ERN1: variants seen among roughly 807,000 people sequenced by gnomAD.
ERN1 encodes the protein serine/threonine-protein kinase/endoribonuclease IRE1.
A neutral mutation model predicts 113.1 loss-of-function variants in ERN1; 39 were observed. The observed-to-expected ratio is 0.34, with a 90% CI of 0.27 to 0.45. ERN1 has a LOEUF of 0.45. ERN1 is among the 20% of genes least tolerant of loss of function. The pLI is 1.00. For synonymous variants in ERN1, 507 were observed against 515.9 expected (o/e 0.98, Z 0.23); for missense variants, 976 against 1,274.8 (o/e 0.77, Z 3.57).
chr17:64,076,335 A>G (rs1009127030), intron 4 of ERN1, among the ~76,000 whole-genome samples: 1 of 152,258 alleles, frequency 6.6e-6, no homozygotes, highest in African/African-American at 2.4e-5. Flanking sequence ...TGCATACTAA[A>G]TAACTTGGAT....
chr17:64,068,327 A>T (rs376163889), intron 6 of ERN1, 36 bp from the exon 7 acceptor site: 26 of 1,417,602 alleles, frequency 1.8e-5, no homozygotes, highest in Non-Finnish European at 2.0e-5. Context: ...ATTACCACGG[A>T]GGGGCCATAG....
rs1912274293 is a variant in ERN1, at chr17:64,039,480, CT to C, written c.*4507del. On this transcript the variant is annotated 3_prime_UTR_variant, in exon 22 of 22. Transcript: ENST00000433197. ...TTTTACCCCGACCAAATTAATCACC[CT>C]TTAATAATAAGACTACTGTAAAGCA... is the stretch of plus-strand genomic sequence containing the variant. 1.3e-5 allele frequency: 2 copies of C among 152,160 alleles called. No individual in the cohort carries two copies. The highest frequency in any genetic ancestry group is 2.9e-5 in the Non-Finnish European group (2 of 68,038). 9.4% of individuals were successfully genotyped at this position (152,160 alleles called of 1,614,324 possible). A position where few individuals can be genotyped will look rare whatever the true frequency, so the allele number is the denominator to read the frequency against.
chr17:64,060,128 G>A (rs1390897633), intron 11 of ERN1, among the ~76,000 whole-genome samples: 1 of 152,034 alleles, frequency 6.6e-6, no homozygotes, highest in Non-Finnish European at 1.5e-5. Context: ...CCCACAGCCT[G>A]TGAGCTGGGC....
At chr17:64,056,506 T>C (rs1567863838) in intron 12 of ERN1, among the ~76,000 whole-genome samples, 1 of 152,180 alleles carries the variant, frequency 6.6e-6, no homozygotes, top group Non-Finnish European at 1.5e-5. Context: ...GGCTGACACA[T>C]GGTGAGCCTG....
intron 2 of ERN1, among the ~76,000 whole-genome samples, chr17:64,083,530 TTAC>T (rs1913833360): frequency 6.6e-6 from 1 of 152,224 alleles, no homozygotes; most frequent in African/African-American, 2.4e-5. Context: ...CCAAGTTGTT[TTAC>T]TTTCAGAAAA....
intron 1 of ERN1, among the ~76,000 whole-genome samples, chr17:64,100,496 C>T (rs966982124): frequency 5.3e-5 from 8 of 152,124 alleles, no homozygotes; most frequent in South Asian, 4.1e-4. Flanking sequence ...TAAGGCCAGG[C>T]GTGGTGGCTC....
intron 17 of ERN1, among the ~76,000 whole-genome samples, chr17:64,051,102 G>A (rs764631405): frequency 9.9e-5 from 15 of 151,120 alleles, no homozygotes; most frequent in Admixed American, 7.9e-4. Flanking sequence ...AACAAAAAAA[G>A]GACTAAAATG....
intron 3 of ERN1, 29 bp downstream of exon 3, chr17:64,080,746 G>A: frequency 6.2e-7 from 1 of 1,602,146 alleles, no homozygotes; most frequent in Non-Finnish European, 8.5e-7. Context: ...TGAATTAAAG[G>A]GAAGTACTGA....
intron 1 of ERN1, among the ~76,000 whole-genome samples, chr17:64,124,201 T>C (rs554359675): frequency 1.5e-4 from 23 of 152,326 alleles, no homozygotes; most frequent in Non-Finnish European, 2.9e-5. Context: ...AGACAGTTCC[T>C]TGAAAGGTTA....
chr17:64,128,900 C>T (rs1915153472), intron 1 of ERN1: 1 of 152,002 alleles, frequency 6.6e-6, no homozygotes. Flanking sequence ...GCAAAACCTC[C>T]AAAGAGTTCA....
intron 1 of ERN1, among the ~76,000 whole-genome samples, chr17:64,105,142 T>C (rs1385677151): frequency 6.6e-6 from 1 of 152,158 alleles, no homozygotes; most frequent in Admixed American, 6.5e-5. Context: ...TTTCCTGAGA[T>C]GAGGTCTTTG....
At position 64,043,688 on chromosome 17, in the gene ERN1, T is replaced by G; in HGVS notation, c.*300A>C. On this transcript the variant is annotated 3_prime_UTR_variant, in exon 22 of 22. Transcript: ENST00000433197. ...AGGAATTTAAAAAGTCTGAAGCAAG[T>G]TTATCCAGTAGATGGCTGGGGGTGC... 1 of 304,360 alleles carries G rather than the reference T, an allele frequency of 3.3e-6. No homozygotes were observed. Among genetic ancestry groups the G allele is most frequent in the Admixed American group, 5.0e-5 (1 of 19,876 alleles). The allele number at this position is 304,360 out of a possible 1,614,324, so 18.9% of individuals were successfully genotyped here.
chr17:64,117,070 C>A (rs754083452), intron 1 of ERN1, among the ~76,000 whole-genome samples: 1 of 151,530 alleles, frequency 6.6e-6, no homozygotes, highest in Non-Finnish European at 1.5e-5. Flanking sequence ...AGAGATCATG[C>A]CACTGCCCTC....
Position 64,055,825 on chromosome 17 carries a change from C to A in ERN1, c.1522G>T (p.Gly508Cys), listed in dbSNP as rs545184423. The change falls in exon 13 of 22, where the codon GGC (glycine) becomes TGC (cysteine). Residue 508 changes from glycine to cysteine, a missense_variant. By Grantham distance (159) the Gly-to-Cys change is radical. This residue lies in a region of ERN1 where 112 missense variants were observed against 106.2 expected (regional missense o/e 1.05). Transcript: ENST00000433197. The part of the protein sequence containing the change: ...FHPPGDTAQD[G>C]ELLDTSGPYS... ...GGGCCAGACGTGTCCAGGAGCTCGCCGTCCTGAGCCGTGTCTCCAGGTGGG... is the reference window on the plus strand; with the variant it reads ...GGGCCAGACGTGTCCAGGAGCTCGCAGTCCTGAGCCGTGTCTCCAGGTGGG... 2 of 1,559,470 alleles carry A rather than the reference C, an allele frequency of 1.3e-6. No homozygotes were observed. The highest frequency in any genetic ancestry group is 3.9e-5 in the Admixed American group (2 of 51,666).
intron 1 of ERN1, among the ~76,000 whole-genome samples, chr17:64,128,161 A>ATTTTTT (rs760752335): frequency 3.2e-4 from 41 of 126,372 alleles, no homozygotes; most frequent in African/African-American, 1.1e-3. Context: ...CGCCCGGCTA[A>ATTTTTT]TTTTTTTTTT....
intron 1 of ERN1, among the ~76,000 whole-genome samples, chr17:64,104,018 T>G (rs1332462210): frequency 6.6e-6 from 1 of 150,862 alleles, no homozygotes; most frequent in Non-Finnish European, 1.5e-5. Flanking sequence ...GCAGGAGGAT[T>G]GCTTGAACCC....
intron 17 of ERN1, among the ~76,000 whole-genome samples, chr17:64,050,372 T>C (rs196926): frequency 0.96 from 146,175 of 152,220 alleles, 70,488 homozygotes; most frequent in East Asian, 1. Context: ...CCTACCTGCC[T>C]GGCCCCAATT....
chr17:64,094,628 T>G (rs1598075809), intron 2 of ERN1, among the ~76,000 whole-genome samples: 1 of 143,654 alleles, frequency 7.0e-6, no homozygotes, highest in East Asian at 2.0e-4. Flanking sequence ...CATCCTTTCT[T>G]TTTTTTTTTT....
intron 1 of ERN1, among the ~76,000 whole-genome samples, chr17:64,119,661 G>T (rs1442895340): frequency 2.0e-5 from 3 of 151,840 alleles, no homozygotes; most frequent in Non-Finnish European, 4.4e-5. Context: ...CAAAGTGCTG[G>T]GATTACAGGC....
Sources: allele counts gnomAD v4.1 joint callset (sites outside exome capture counted in the v4.1 genomes callset), GRCh38; gene constraint gnomAD v4.1.1; regional missense constraint gnomAD v4.1.1; transcripts MANE v1.5; gene names NCBI Gene and HGNC (gene_info 2026-07-23, HGNC 2026-07-21).